MAP4K3: variants seen among roughly 807,000 people sequenced by gnomAD.
MAP4K3 encodes mitogen-activated protein kinase kinase kinase kinase 3.
A neutral mutation model predicts 143.5 loss-of-function variants in MAP4K3; 94 were observed. The observed-to-expected ratio is 0.65, with a 90% confidence interval of 0.55 to 0.78. The LOEUF is 0.78. MAP4K3 is among the 30% of genes least tolerant of loss of function. The pLI, the probability that MAP4K3 is intolerant of heterozygous loss-of-function variation, is 0.00. For synonymous variants in MAP4K3, 416 were observed against 347.2 expected, an observed-to-expected ratio of 1.20 and a Z score of -2.20; for missense variants, 1,077 against 1,068.1, an observed-to-expected ratio of 1.01 and a Z score of -0.12.
intron 31 of MAP4K3, among the ~76,000 whole-genome samples, chr2:39,257,640 A>C (rs531204253): frequency 5.1e-4 from 77 of 152,004 alleles, no homozygotes; most frequent in Middle Eastern, 6.8e-3. Flanking sequence ...CTCTACTAAA[A>C]ATACAAAAAT....
intron 1 of MAP4K3, among the ~76,000 whole-genome samples, chr2:39,396,154 C>T (rs953085725): frequency 2.6e-5 from 4 of 152,046 alleles, no homozygotes; most frequent in Non-Finnish European, 5.9e-5. Context: ...CTTCCTGCCT[C>T]GGACTCCGGA....
chr2:39,385,403 T>C (rs989478927), intron 1 of MAP4K3, among the ~76,000 whole-genome samples: 2 of 151,896 alleles, frequency 1.3e-5, no homozygotes, highest in Non-Finnish European at 2.9e-5. Flanking sequence ...TATTTCATGG[T>C]GGTTTTAGTT....
intron 33 of MAP4K3, among the ~76,000 whole-genome samples, chr2:39,250,991 G>T (rs1482797235): frequency 6.6e-6 from 1 of 152,132 alleles, no homozygotes; most frequent in African/African-American, 2.4e-5. Context: ...CTTATTACAA[G>T]TTCTAAAAAC....
At position 39,375,534 on chromosome 2, in the gene MAP4K3, G is replaced by A. The variant is rs113690195; in HGVS notation, c.154+2532C>T. Among the ~76,000 whole-genome samples, 199 of 152,256 alleles carry A rather than the reference G, an allele frequency of 1.3e-3. 3 individuals are homozygous for A. The highest frequency in any genetic ancestry group is 4.6e-3 in the African/African-American group (193 of 41,548). On this transcript the variant is annotated intron_variant, in intron 2 of 33. Coordinates refer to ENST00000263881, the MANE Select transcript of MAP4K3 (RefSeq NM_003618.4). ...TTAAGTGGGAACCTATAGATATAAC[G>A]TAGCAACTATTTGCTAAGCGTAGGT...
At chr2:39,375,094 C>A (rs145699522) in intron 2 of MAP4K3, among the ~76,000 whole-genome samples, 2 of 152,192 alleles carry the variant, frequency 1.3e-5, no homozygotes, top group African/African-American at 4.8e-5. Context: ...GACCCTGTCT[C>A]TACAAAAAAT....
chr2:39,392,099 C>A (rs571100610), intron 1 of MAP4K3, among the ~76,000 whole-genome samples: 3 of 136,564 alleles, frequency 2.2e-5, no homozygotes, highest in Non-Finnish European at 4.6e-5. Context: ...GTAGGAGAAT[C>A]GCTTGAACCC....
At chr2:39,251,060 T>A (rs1370178367) in intron 33 of MAP4K3, among the ~76,000 whole-genome samples, 1 of 152,222 alleles carries the variant, frequency 6.6e-6, no homozygotes, top group East Asian at 1.9e-4. Context: ...AGACCCACGC[T>A]GCACAATGGA....
At chr2:39,365,795 C>T (rs1403042294) in intron 2 of MAP4K3, among the ~76,000 whole-genome samples, 1 of 152,180 alleles carries the variant, frequency 6.6e-6, no homozygotes, top group African/African-American at 2.4e-5. Flanking sequence ...TAAGCTTAGA[C>T]TACGAAAAAT....
chr2:39,336,303 T>C (rs1404558733), intron 6 of MAP4K3, among the ~76,000 whole-genome samples: 1 of 151,674 alleles, frequency 6.6e-6, no homozygotes, highest in Non-Finnish European at 1.5e-5. Context: ...TGAAATCCTG[T>C]CTTTACTAAA....
At chr2:39,386,637 T>C (rs531587474) in intron 1 of MAP4K3, among the ~76,000 whole-genome samples, 5 of 152,310 alleles carry the variant, frequency 3.3e-5, no homozygotes, top group African/African-American at 9.6e-5. Context: ...CTCTTTCTTA[T>C]CATTTGTGGA....
intron 3 of MAP4K3, 48 bp downstream of exon 3, chr2:39,356,201 A>G (rs1276124030): frequency 9.4e-7 from 1 of 1,060,412 alleles, no homozygotes. Flanking sequence ...TTAATGCATT[A>G]GGTGATGAAA....
chr2:39,264,038 G>C (rs564895028), intron 28 of MAP4K3, among the ~76,000 whole-genome samples: 6 of 152,188 alleles, frequency 3.9e-5, no homozygotes, highest in Admixed American at 3.9e-4. Context: ...TTTTGATAGA[G>C]GTTAGGAATG....
intron 32 of MAP4K3, among the ~76,000 whole-genome samples, chr2:39,252,539 T>C (rs1016499776): frequency 3.3e-5 from 5 of 152,222 alleles, no homozygotes; most frequent in Admixed American, 1.3e-4. Context: ...CTAATGACCA[T>C]ATATCCTTCA....
chr2:39,370,608 A>C (rs1666054420), intron 2 of MAP4K3, among the ~76,000 whole-genome samples: 1 of 152,216 alleles, frequency 6.6e-6, no homozygotes, highest in Admixed American at 6.5e-5. Context: ...TTGCACTTTT[A>C]AAATTTAGCT....
intron 31 of MAP4K3, among the ~76,000 whole-genome samples, chr2:39,257,546 A>C (rs1236820498): frequency 6.6e-6 from 1 of 152,178 alleles, no homozygotes; most frequent in Non-Finnish European, 1.5e-5. Flanking sequence ...CACGCCTGTA[A>C]TCCCAGCACT....
chr2:39,274,454 T>C (rs1217771910), intron 24 of MAP4K3, among the ~76,000 whole-genome samples: 1 of 152,114 alleles, frequency 6.6e-6, no homozygotes, highest in African/African-American at 2.4e-5. Flanking sequence ...TCTCCTGACC[T>C]CATGATCCAC....
chr2:39,276,444 A>G (rs1019538134), intron 24 of MAP4K3, among the ~76,000 whole-genome samples: 1 of 152,192 alleles, frequency 6.6e-6, no homozygotes, highest in Non-Finnish European at 1.5e-5. Flanking sequence ...GCATTTCTCT[A>G]CAGGAACTAT....
At chr2:39,398,982 T>C (rs1666884164) in intron 1 of MAP4K3, among the ~76,000 whole-genome samples, 1 of 146,748 alleles carries the variant, frequency 6.8e-6, no homozygotes, top group African/African-American at 2.5e-5. Flanking sequence ...AGGTGGAAGC[T>C]GCAGTGAGCT....
chr2:39,319,965 A>G (rs373446710), intron 12 of MAP4K3, among the ~76,000 whole-genome samples: 15 of 152,188 alleles, frequency 9.9e-5, no homozygotes, highest in East Asian at 9.7e-4. Context: ...CAATTCTTTG[A>G]CCATTATTTT....
Sources: allele counts gnomAD v4.1 joint callset (sites outside exome capture counted in the v4.1 genomes callset), GRCh38; gene constraint gnomAD v4.1.1; transcripts MANE v1.5; gene names NCBI Gene and HGNC (gene_info 2026-07-23, HGNC 2026-07-21).